The following TMEM114 variants were observed in gnomAD, a reference collection of about 807,000 sequenced individuals.
TMEM114 encodes claudin-26.
TMEM114 carries 6 observed loss-of-function variants against 6.2 expected under a neutral mutation model. The observed-to-expected ratio is 0.97, with a 90% CI of 0.53 to 1.91. The LOEUF (loss-of-function observed/expected upper bound fraction) is 1.91, where lower values mean the gene tolerates loss of function less well. Ranked by LOEUF, TMEM114 falls within the 40% of genes most tolerant of loss-of-function variation. The pLI, the probability that TMEM114 is intolerant of heterozygous loss-of-function variation, is 0.01. For missense variants in TMEM114, 218 were observed against 158.3 expected (o/e 1.38, Z -2.02); for synonymous variants, 104 against 73.0 (o/e 1.42, Z -2.16).
chr16:8,547,396 C>G (rs79582077), intron 2 of TMEM114, among the ~76,000 whole-genome samples: 2 of 74,350 alleles, frequency 2.7e-5, no homozygotes, highest in East Asian at 4.0e-4. Flanking sequence ...TTCTTTCTTT[C>G]TTTTTTTTTT....
intron 2 of TMEM114, among the ~76,000 whole-genome samples, chr16:8,588,705 A>G (rs1471690696): frequency 6.6e-6 from 1 of 152,174 alleles, no homozygotes; most frequent in Non-Finnish European, 1.5e-5. Context: ...CTCCAATCAT[A>G]TATTTATATG....
At chr16:8,555,150 C>G (rs1018294322) in intron 2 of TMEM114, among the ~76,000 whole-genome samples, 1 of 152,222 alleles carries the variant, frequency 6.6e-6, no homozygotes, top group African/African-American at 2.4e-5. Flanking sequence ...TTCCTGAGCT[C>G]TTCTCTCTTC....
At chr16:8,584,260 A>C (rs1902245827) in intron 2 of TMEM114, among the ~76,000 whole-genome samples, 1 of 152,190 alleles carries the variant, frequency 6.6e-6, no homozygotes, top group African/African-American at 2.4e-5. Context: ...GTAAGATTTG[A>C]GTTTCTGTCA....
In TMEM114 at chr16:8,572,240, G is replaced by C. The variant is rs1195470957; in HGVS notation, c.302-16C>G. On this transcript the variant is annotated splice_polypyrimidine_tract_variant and intron_variant, in intron 2 of 3. Coordinates refer to ENST00000620492, the MANE Select transcript of TMEM114 (RefSeq NM_001146336.2). ...CCATGCATGGCTTAGAAGAGACAGA[G>C]AGGATACCAGGCAGAGGACAGTTAC... 3.2e-6 allele frequency: 5 copies of C among 1,551,514 alleles called. No individual in the cohort carries two copies. The highest frequency in any genetic ancestry group is 2.4e-5 in the East Asian group (1 of 40,922).
At chr16:8,588,321 G>C (rs1370727766) in intron 2 of TMEM114, among the ~76,000 whole-genome samples, 1 of 150,716 alleles carries the variant, frequency 6.6e-6, no homozygotes, top group Non-Finnish European at 1.5e-5. Context: ...CATTTTCAAA[G>C]TCTATGAAAC....
At chr16:8,568,107 C>T (rs561049733), downstream of TMEM114, among the ~76,000 whole-genome samples, 2 of 152,192 alleles carry the variant, frequency 1.3e-5, no homozygotes, top group Non-Finnish European at 2.9e-5. Flanking sequence ...CCTTTCTCTC[C>T]TTATGCCCTT....
At chr16:8,579,806 G>C (rs1226267781) in intron 2 of TMEM114, among the ~76,000 whole-genome samples, 2 of 152,128 alleles carry the variant, frequency 1.3e-5, no homozygotes, top group African/African-American at 2.4e-5. Flanking sequence ...TACCCCAAGA[G>C]CCAATGGCCA....
At chr16:8,534,745 T>C (rs1022419240), downstream of TMEM114, among the ~76,000 whole-genome samples, 1 of 152,226 alleles carries the variant, frequency 6.6e-6, no homozygotes, top group African/African-American at 2.4e-5. Context: ...ACTTGGCACA[T>C]GGTCAACATT....
At chr16:8,585,953 G>C (rs534728868) in intron 2 of TMEM114, among the ~76,000 whole-genome samples, 1 of 152,204 alleles carries the variant, frequency 6.6e-6, no homozygotes, top group Non-Finnish European at 1.5e-5. Flanking sequence ...AGGACTGAGG[G>C]TGAACGAGTG....
intron 2 of TMEM114, among the ~76,000 whole-genome samples, chr16:8,563,412 AATTAG>A (rs1901362533): frequency 1.4e-5 from 2 of 144,274 alleles, no homozygotes; most frequent in Admixed American, 6.8e-5. Context: ...CGAGTGAGTT[AATTAG>A]TGAGTGAATG....
At chr16:8,576,150 C>T (rs888827868) in intron 2 of TMEM114, among the ~76,000 whole-genome samples, 12 of 152,214 alleles carry the variant, frequency 7.9e-5, no homozygotes, top group African/African-American at 2.7e-4. Flanking sequence ...CTCTGTGCCA[C>T]CCACAAAATA....
chr16:8,532,932 GA>G (rs1366983788), downstream of TMEM114, among the ~76,000 whole-genome samples: 1 of 151,856 alleles, frequency 6.6e-6, no homozygotes, highest in African/African-American at 2.4e-5. Flanking sequence ...TCAAAAAAAG[GA>G]AAAAAAATAA....
At chr16:8,588,126 A>G (rs1188905803) in intron 2 of TMEM114, among the ~76,000 whole-genome samples, 3 of 152,008 alleles carry the variant, frequency 2.0e-5, no homozygotes, top group African/African-American at 7.3e-5. Context: ...TTTGTACTAG[A>G]AATATGAAAA....
At chr16:8,548,132 G>A (rs997712098) in intron 2 of TMEM114, among the ~76,000 whole-genome samples, 1 of 152,318 alleles carries the variant, frequency 6.6e-6, no homozygotes, top group Middle Eastern at 3.4e-3. Context: ...AAGTTACTTA[G>A]ACACCGTGAG....
chr16:8,536,417 T>C (rs1900361635), downstream of TMEM114, among the ~76,000 whole-genome samples: 2 of 152,134 alleles, frequency 1.3e-5, no homozygotes, highest in South Asian at 4.1e-4. Context: ...CTGAACATCC[T>C]TGTCTCTAAA....
At chr16:8,579,034 G>A (rs140374527) in intron 2 of TMEM114, among the ~76,000 whole-genome samples, 2 of 152,250 alleles carry the variant, frequency 1.3e-5, no homozygotes, top group East Asian at 1.9e-4. Flanking sequence ...AATGGTAAAC[G>A]TGTGTGCCCC....
At chr16:8,539,122 G>A (rs1367099863) in intron 2 of TMEM114, among the ~76,000 whole-genome samples, 6 of 151,868 alleles carry the variant, frequency 4.0e-5, no homozygotes, top group South Asian at 2.1e-4. Context: ...TTGGGTGTTC[G>A]GTCACAATCT....
chr16:8,526,931 G>C, the TMEM114 span, among the ~76,000 whole-genome samples: 1 of 152,194 alleles, frequency 6.6e-6, no homozygotes, highest in African/African-American at 2.4e-5. Context: ...GAGTAGGTGG[G>C]GCACGGTGGC....
At chr16:8,541,692 T>C (rs1900519498) in intron 2 of TMEM114, among the ~76,000 whole-genome samples, 1 of 152,230 alleles carries the variant, frequency 6.6e-6, no homozygotes, top group Non-Finnish European at 1.5e-5. Context: ...AACAGCAGTC[T>C]GTTTTAATGA....
Sources: allele counts gnomAD v4.1 joint callset (sites outside exome capture counted in the v4.1 genomes callset), GRCh38; gene constraint gnomAD v4.1.1; transcripts MANE v1.5; gene names NCBI Gene and HGNC (gene_info 2026-07-23, HGNC 2026-07-21).